EPN1: variants seen among roughly 807,000 people sequenced by gnomAD.
EPN1 encodes epsin-1.
Under a neutral mutation model 56.9 loss-of-function variants are expected in EPN1, and 25 were observed. The observed-to-expected ratio is 0.44, with a 90% CI of 0.32 to 0.61. The LOEUF is 0.61. EPN1 is among the 20% of genes least tolerant of loss of function. The pLI, the probability that EPN1 is intolerant of heterozygous loss-of-function variation, is 0.05. For missense variants in EPN1, 785 were observed against 823.7 expected (o/e 0.95, Z 0.58); for synonymous variants, 411 against 361.8 (o/e 1.14, Z -1.54).
Position 55,706,280 on chromosome 19 carries a change from C to CTT in EPN1, c.*10925_*10926dup, listed in dbSNP as rs1323034565. The CTT allele has an allele frequency of 4.0e-3, 519 of 129,290 alleles. 10 individuals carry two copies. Among genetic ancestry groups the CTT allele is most frequent in the African/African-American group, 0.014 (448 of 31,646 alleles). The allele number at this position is 129,290 out of a possible 1,614,324, so 8.0% of individuals were successfully genotyped here. A position where few individuals can be genotyped will look rare whatever the true frequency, so the allele number is the denominator to read the frequency against. On this transcript the variant is annotated 3_prime_UTR_variant, in exon 11 of 11. Coordinates refer to ENST00000270460, the MANE Select transcript of EPN1 (RefSeq NM_001130072.2). ...TTTCTTCCTTTCTTCTCTTTTTCTT[C>CTT]TTCTTTTTTTTTTTTTTTTAAAAGA...
intron 2 of EPN1, among the ~76,000 whole-genome samples, chr19:55,679,256 C>T (rs938033890): frequency 6.6e-6 from 1 of 152,252 alleles, no homozygotes; most frequent in African/African-American, 2.4e-5. Context: ...TGAACGCTGT[C>T]GTGCCTGTGA....
rs749284358 is a variant in EPN1, at chr19:55,685,658, C to T, written c.478+13C>T. On this transcript the variant is annotated intron_variant, in intron 3 of 10. Coordinates refer to ENST00000270460, the MANE Select transcript of EPN1 (RefSeq NM_001130072.2). ...CAGACCGCCACGGGTGAGTCCCTCC[C>T]TGCGGCCCCTGACGGCCTAGAGTCT... 1.9e-6 allele frequency: 3 copies of T among 1,582,778 alleles called. No homozygotes were observed. The highest frequency in any genetic ancestry group is 2.3e-5 in the East Asian group (1 of 43,090).
chr19:55,689,848 C>T lies in EPN1; in HGVS notation c.679-19C>T, dbSNP rs369836746. 45 of 1,586,514 alleles carry T rather than the reference C, an allele frequency of 2.8e-5. No individual in the cohort carries two copies. The highest frequency in any genetic ancestry group is 2.7e-4 in the South Asian group (23 of 86,688). On this transcript the variant is annotated intron_variant, in intron 5 of 10. Transcript: ENST00000270460. The surrounding 1 kb of genome is among the most constrained non-coding windows in gnomAD (Gnocchi z 5.7). ...GCTCACGTTCTCATGTCTCCCTGGT[C>T]GTGCCCGTGCCCCAACAGGAGGAGC...
At chr19:55,675,639 G>A (rs1985348440) in intron 1 of EPN1, among the ~76,000 whole-genome samples, 1 of 152,168 alleles carries the variant, frequency 6.6e-6, no homozygotes, top group Admixed American at 6.6e-5. Context: ...GTCAGCGTCT[G>A]TTTCCTGTGG....
At position 55,707,994 on chromosome 19, in the gene EPN1, T is replaced by C. The variant is rs990214087; in HGVS notation, c.*12638T>C. On this transcript the variant is annotated 3_prime_UTR_variant, in exon 11 of 11. Transcript: ENST00000270460. Reference sequence around the variant, plus strand: ...GAAAAGGCCAAAAGCAAATAGAAAATTGGGCAAAAAAGTTCATAATTGCTT... The same window carrying C: ...GAAAAGGCCAAAAGCAAATAGAAAACTGGGCAAAAAAGTTCATAATTGCTT... 9.8e-5 allele frequency: 15 copies of C among 152,328 alleles called. No homozygotes were observed. The highest frequency in any genetic ancestry group is 3.4e-4 in the African/African-American group (14 of 41,416). 9.4% of individuals were successfully genotyped at this position (152,328 alleles called of 1,614,324 possible).
At chr19:55,678,366 C>A (rs1020752950) in intron 1 of EPN1, 161 bp from the exon 2 acceptor site, 2 of 315,892 alleles carry the variant, frequency 6.3e-6, no homozygotes, top group Non-Finnish European at 9.2e-6. Flanking sequence ...AAGGAGGCAG[C>A]CTGTTTGAGG....
At position 55,691,860 on chromosome 19, in the gene EPN1, C is replaced by T; in HGVS notation, c.869C>T (p.Ala290Val). The T allele has an allele frequency of 6.2e-7, 1 of 1,604,488 alleles. No individual in the cohort carries two copies. The highest frequency in any genetic ancestry group is 8.5e-7 in the Non-Finnish European group (1 of 1,174,434). The change falls in exon 7 of 11, where the codon GCC becomes GTC. Residue 290 changes from alanine (A) to valine (V), a missense_variant. Physicochemically the swap from Ala to Val is moderately conservative, Grantham distance 64 (BLOSUM62 0). This residue lies in a region of EPN1 where 650 missense variants were observed against 605.0 expected (regional missense o/e 1.07). Transcript: ENST00000270460. The surrounding 1 kb of genome is among the most constrained non-coding windows in gnomAD (Gnocchi z 5.6). Reference protein sequence around the residue: ...APMAAAVPTAAPTSDPWGGPP... With the variant: ...APMAAAVPTAVPTSDPWGGPP... ...ATGGCTGCTGCCGTCCCCACGGCTG[C>T]CCCCACCTCGGACCCCTGGGGCGGC...
At chr19:55,676,948 C>T in intron 1 of EPN1, 1 of 552,016 alleles carries the variant, frequency 1.8e-6, no homozygotes, top group East Asian at 3.1e-5. Flanking sequence ...GTCCCCTTCT[C>T]TGCATTTGTT....
In EPN1 at chr19:55,688,935, G is replaced by A. The variant is rs777028168; in HGVS notation, c.544G>A (p.Gly182Arg). ...EAEQAWPQSS[G>R]EEELQLQLAL... ...GGAGCAGGCGTGGCCGCAGAGCAGCGGGGAGGAGGAGCTGCAGCTCCAGCT... is the reference window on the plus strand; with the variant it reads ...GGAGCAGGCGTGGCCGCAGAGCAGCAGGGAGGAGGAGCTGCAGCTCCAGCT... The change falls in exon 4 of 11, where the codon GGG (glycine) becomes AGG (arginine). Residue 182 changes from glycine (G) to arginine (R), a missense_variant. Physicochemically the swap from Gly to Arg is moderately radical, Grantham distance 125 (BLOSUM62 -2). Transcript: ENST00000270460. The A allele has an allele frequency of 1.8e-5, 28 of 1,596,308 alleles. No individual in the cohort carries two copies. The highest frequency in any genetic ancestry group is 2.4e-5 in the Non-Finnish European group (28 of 1,173,466).
At position 55,689,449 on chromosome 19, in the gene EPN1, C is replaced by A. The variant is rs1986391698; in HGVS notation, c.678+78C>A. On this transcript the variant is annotated intron_variant, in intron 5 of 10. Coordinates refer to ENST00000270460, the MANE Select transcript of EPN1 (RefSeq NM_001130072.2). This position sits in a 1 kb window ranked among gnomAD's most constrained non-coding sequence, Gnocchi z 5.7. Reference sequence around the variant, plus strand: ...CCCCGTCGCCCCTTCCTAAGTCACCCCCCACCATCCTGCTGGGCCCGAAGC... The same window carrying A: ...CCCCGTCGCCCCTTCCTAAGTCACCACCCACCATCCTGCTGGGCCCGAAGC... The A allele has an allele frequency of 9.1e-7, 1 of 1,103,884 alleles. No individual in the cohort carries two copies. The allele number at this position is 1,103,884 out of a possible 1,614,324, so 68.4% of individuals were successfully genotyped here.
chr19:55,678,252 C>A (rs919022784), intron 1 of EPN1, among the ~76,000 whole-genome samples: 1 of 152,206 alleles, frequency 6.6e-6, no homozygotes, highest in Admixed American at 6.5e-5. Context: ...TGCAAAAGAT[C>A]CAGCCCGCCC....
Position 55,691,774 on chromosome 19 carries a change from T to A in EPN1, c.783T>A (p.Ala261=), listed in dbSNP as rs777811391. Residue 261 remains alanine, a synonymous_variant, in exon 7 of 11, where the codon GCT becomes GCA. Transcript: ENST00000270460. This position sits in a 1 kb window ranked among gnomAD's most constrained non-coding sequence, Gnocchi z 5.6. ...GKEESSLMDL[A]DVFTAPAPAP... The stretch of plus-strand genomic sequence containing the variant: ...CACAGTCGTCCCTCATGGACCTTGC[T>A]GACGTCTTCACGGCCCCAGCTCCTG... 1.2e-6 allele frequency: 2 copies of A among 1,612,736 alleles called. No homozygotes were observed. The highest frequency in any genetic ancestry group is 1.7e-6 in the Non-Finnish European group (2 of 1,179,378).
In EPN1 at chr19:55,694,608, C is replaced by A; in HGVS notation, c.1265-118C>A. The A allele has an allele frequency of 7.8e-7, 1 of 1,281,352 alleles. No individual in the cohort carries two copies. Among genetic ancestry groups the A allele is most frequent in the Non-Finnish European group, 1.0e-6 (1 of 968,322 alleles). The allele number at this position is 1,281,352 out of a possible 1,614,324, so 79.4% of individuals were successfully genotyped here. On this transcript the variant is annotated intron_variant, in intron 9 of 10. Coordinates refer to ENST00000270460, the MANE Select transcript of EPN1 (RefSeq NM_001130072.2). This position sits in a 1 kb window ranked among gnomAD's most constrained non-coding sequence, Gnocchi z 4.2. ...CCGCTCTGCACCTCAGTTCCTCCTTCCCGAGGCCTCTGGGCACCGGGCTCT... is the reference window on the plus strand; with the variant it reads ...CCGCTCTGCACCTCAGTTCCTCCTTACCGAGGCCTCTGGGCACCGGGCTCT...
In EPN1 at chr19:55,692,763, T is replaced by C. The variant is rs1374491793; in HGVS notation, c.1144T>C (p.Ser382Pro). The C allele has an allele frequency of 3.8e-6, 6 of 1,589,670 alleles. No homozygotes were observed. Among genetic ancestry groups the C allele is most frequent in the Non-Finnish European group, 5.1e-6 (6 of 1,168,594 alleles). ...GGCCTTCTCAGATCCCTGGGGAGGG[T>C]CACCTGCCAAGCCCAGCACCAATGG... ...APAFSDPWGG[S>P]PAKPSTNGTT... Residue 382 changes from serine (S) to proline (P), a missense_variant, in exon 8 of 11, where the codon TCA becomes CCA. Around this residue, in one of 2 missense-constraint regions of EPN1, gnomAD observed 650 missense variants for 605.0 expected, o/e 1.07. Coordinates refer to ENST00000270460, the MANE Select transcript of EPN1 (RefSeq NM_001130072.2).
chr19:55,709,060 TA>T lies in EPN1; in HGVS notation c.*13707del. On this transcript the variant is annotated 3_prime_UTR_variant, in exon 11 of 11. Coordinates refer to ENST00000270460, the MANE Select transcript of EPN1 (RefSeq NM_001130072.2). ...TTTGTGCAGCCTGGGAAAATAGAAATAAAGTTTTTTTTTTTGTTTTTCATTT... is the reference window on the plus strand; with the variant it reads ...TTTGTGCAGCCTGGGAAAATAGAAATAAGTTTTTTTTTTTGTTTTTCATTT... The T allele has an allele frequency of 6.5e-7, 1 of 1,549,674 alleles. No individual in the cohort carries two copies. Among genetic ancestry groups the T allele is most frequent in the Non-Finnish European group, 8.6e-7 (1 of 1,157,544 alleles).
At chr19:55,685,692 C>T in intron 3 of EPN1, 47 bp downstream of exon 3, 1 of 1,547,416 alleles carries the variant, frequency 6.5e-7, no homozygotes, top group Non-Finnish European at 8.7e-7. Context: ...CTGTCCTCCG[C>T]CTACTGCGGC....
chr19:55,704,499 G>T lies in EPN1; in HGVS notation c.*9143G>T, dbSNP rs538957508. 1.3e-5 allele frequency: 2 copies of T among 152,354 alleles called. No individual in the cohort carries two copies. The highest frequency in any genetic ancestry group is 4.8e-5 in the African/African-American group (2 of 41,564). 9.4% of individuals were successfully genotyped at this position (152,354 alleles called of 1,614,324 possible). ...GGGAGCCAAGGAGAGAGGCCTTGGC[G>T]GAAGCCAACCCTGCAGCACCTTCAT... On this transcript the variant is annotated 3_prime_UTR_variant, in exon 11 of 11. Coordinates refer to ENST00000270460, the MANE Select transcript of EPN1 (RefSeq NM_001130072.2).
At position 55,702,975 on chromosome 19, in the gene EPN1, A is replaced by ATTGT. The variant is rs1184695095; in HGVS notation, c.*7621_*7624dup. 1 of 151,886 alleles carries ATTGT rather than the reference A, an allele frequency of 6.6e-6. No individual in the cohort carries two copies. The highest frequency in any genetic ancestry group is 2.0e-4 in the East Asian group (1 of 5,116). The allele number at this position is 151,886 out of a possible 1,614,324, so 9.4% of individuals were successfully genotyped here. ...ACGCCCGGCTAAGCTAATTTTTTGT[A>ATTGT]TTGTTAGTAGAGACGGGGTTTCACC... On this transcript the variant is annotated 3_prime_UTR_variant, in exon 11 of 11. Transcript: ENST00000270460.
chr19:55,691,912 C>T lies in EPN1; in HGVS notation c.921C>T (p.Pro307=), dbSNP rs1196792497. The T allele has an allele frequency of 7.6e-6, 12 of 1,586,038 alleles. No individual in the cohort carries two copies. The highest frequency in any genetic ancestry group is 9.4e-6 in the Non-Finnish European group (11 of 1,166,968). The change falls in exon 7 of 11, where the codon CCC becomes CCT. Residue 307 remains proline, a synonymous_variant. Coordinates refer to ENST00000270460, the MANE Select transcript of EPN1 (RefSeq NM_001130072.2). The surrounding 1 kb of genome is among the most constrained non-coding windows in gnomAD (Gnocchi z 5.6). ...CCCCTGTCCCTCCAGCTGCTGATCC[C>T]TGGGGAGGTCCAGCCCCCACGCCGG... is the stretch of plus-strand genomic sequence containing the variant. ...GGPPVPPAAD[P]WGGPAPTPAS... is the part of the protein sequence containing the mutation.
Sources: allele counts gnomAD v4.1 joint callset (sites outside exome capture counted in the v4.1 genomes callset), GRCh38; gene constraint gnomAD v4.1.1; regional missense constraint gnomAD v4.1.1; non-coding constraint Gnocchi (gnomAD v3.1); transcripts MANE v1.5; gene names NCBI Gene and HGNC (gene_info 2026-07-23, HGNC 2026-07-21).